The following FBXO8 variants were observed in gnomAD, a reference collection of about 807,000 sequenced individuals.
The protein encoded by FBXO8 is F-box protein 8.
Under a neutral mutation model 33.4 loss-of-function variants are expected in FBXO8, and 15 were observed. That is an observed-to-expected ratio of 0.45 (90% confidence interval 0.30 to 0.69). FBXO8 has a LOEUF of 0.69. Among genes scored for constraint, FBXO8 ranks in the 30% least tolerant of loss-of-function variants. FBXO8 has a pLI of 0.08. For synonymous variants in FBXO8, 132 were observed against 131.5 expected, an observed-to-expected ratio of 1.00 and a Z score of -0.02; for missense variants, 274 against 380.3, an observed-to-expected ratio of 0.72 and a Z score of 2.32.
At chr4:174,280,090 T>A (rs545728235) in intron 1 of FBXO8, among the ~76,000 whole-genome samples, 2 of 152,256 alleles carry the variant, frequency 1.3e-5, no homozygotes, top group South Asian at 4.2e-4. Context: ...TTGAAAATCA[T>A]GTATCTGATA....
At position 174,261,623 on chromosome 4, in the gene FBXO8, C is replaced by T. The variant is rs577624862; in HGVS notation, c.329+1141G>A. On this transcript the variant is annotated intron_variant, in intron 2 of 5. Coordinates refer to ENST00000393674, the MANE Select transcript of FBXO8 (RefSeq NM_012180.3). This position sits in a 1 kb window ranked among gnomAD's most constrained non-coding sequence, Gnocchi z 4.1. The stretch of plus-strand genomic sequence containing the variant: ...AGACTCCTCATTAACAGAATTTCCT[C>T]TCACGTAGTACTTTCACTATGTCAA... Among the ~76,000 whole-genome samples, 1 of 151,998 alleles carries T rather than the reference C, an allele frequency of 6.6e-6. No individual in the cohort carries two copies. Among genetic ancestry groups the T allele is most frequent in the African/African-American group, 2.4e-5 (1 of 41,520 alleles).
intron 1 of FBXO8, among the ~76,000 whole-genome samples, chr4:174,280,633 T>C (rs1046109439): frequency 6.6e-6 from 1 of 152,142 alleles, no homozygotes; most frequent in African/African-American, 2.4e-5. Flanking sequence ...GGCTGACACA[T>C]ATAAGGGAAT....
rs1736303286 is a variant in FBXO8 at position 174,252,251 on chromosome 4, G to A, written c.456+7448C>T. Among the ~76,000 whole-genome samples the A allele has an allele frequency of 6.6e-6, 1 of 152,080 alleles. No homozygotes were observed. The highest frequency in any genetic ancestry group is 2.4e-5 in the African/African-American group (1 of 41,376). ...CCCAAATTGCTAGGATGACAGGTGT[G>A]AGCCACTGACTGTACCCAGTTAGCA... On this transcript the variant is annotated intron_variant, in intron 3 of 5. Coordinates refer to ENST00000393674, the MANE Select transcript of FBXO8 (RefSeq NM_012180.3). The surrounding 1 kb of genome is among the most constrained non-coding windows in gnomAD (Gnocchi z 5.1).
At position 174,262,204 on chromosome 4, in the gene FBXO8, C is replaced by T. The variant is rs1736579624; in HGVS notation, c.329+560G>A. Among the ~76,000 whole-genome samples the T allele has an allele frequency of 2.6e-5, 4 of 151,956 alleles. No homozygotes were observed. The highest frequency in any genetic ancestry group is 6.6e-5 in the Admixed American group (1 of 15,246). ...CTTGCTTTCTAATATTTGCCTACTTCATTGAAATGCTGGTTAGAAAAAAAA... is the reference window on the plus strand; with the variant it reads ...CTTGCTTTCTAATATTTGCCTACTTTATTGAAATGCTGGTTAGAAAAAAAA... On this transcript the variant is annotated intron_variant, in intron 2 of 5. Transcript: ENST00000393674. The surrounding 1 kb of genome is among the most constrained non-coding windows in gnomAD (Gnocchi z 4.6).
chr4:174,237,453 G>C lies in FBXO8; in HGVS notation c.919C>G (p.Leu307Val). The change falls in exon 6 of 6, where the codon CTT becomes GTT. Residue 307 changes from leucine (L) to valine (V), a missense_variant. Physicochemically the swap from Leu to Val is conservative, Grantham distance 32. Around this residue, in one of 2 missense-constraint regions of FBXO8, gnomAD observed 186 missense variants for 293.4 expected, o/e 0.63. Transcript: ENST00000393674. This position sits in a 1 kb window ranked among gnomAD's most constrained non-coding sequence, Gnocchi z 4.4. Reference sequence around the variant, plus strand: ...CCAATAAGGTAGATATTGTCATAAAGATGCCCTACAAAATCTTCACTAATA... The same window carrying C: ...CCAATAAGGTAGATATTGTCATAAACATGCCCTACAAAATCTTCACTAATA... ...QNISEDFVGH[L>V]YDNIYLIGHV... is the part of the protein sequence containing the mutation. 1 of 1,613,708 alleles carries C rather than the reference G, an allele frequency of 6.2e-7. No homozygotes were observed. The highest frequency in any genetic ancestry group is 8.5e-7 in the Non-Finnish European group (1 of 1,179,708).
Position 174,278,100 on chromosome 4 carries a change from AC to A in FBXO8, c.-9+5309del, listed in dbSNP as rs1736995920. On this transcript the variant is annotated intron_variant, in intron 1 of 5. Coordinates refer to ENST00000393674, the MANE Select transcript of FBXO8 (RefSeq NM_012180.3). This position sits in a 1 kb window ranked among gnomAD's most constrained non-coding sequence, Gnocchi z 4.1. ...GAGAAATTTTTTAAAAAAGAAAAAAACCCTGATAACCAATCACATCCCTAAA... is the reference window on the plus strand; with the variant it reads ...GAGAAATTTTTTAAAAAAGAAAAAAACCTGATAACCAATCACATCCCTAAA... Among the ~76,000 whole-genome samples the A allele has an allele frequency of 6.6e-6, 1 of 152,086 alleles. No homozygotes were observed. Among genetic ancestry groups the A allele is most frequent in the African/African-American group, 2.4e-5 (1 of 41,446 alleles).
At chr4:174,249,607 A>C (rs1376630697) in intron 3 of FBXO8, among the ~76,000 whole-genome samples, 2 of 151,966 alleles carry the variant, frequency 1.3e-5, no homozygotes, top group Non-Finnish European at 2.9e-5. Context: ...TTTTTAAAAA[A>C]AGTCTACTAG....
At position 174,238,977 on chromosome 4, in the gene FBXO8, A is replaced by AAT. The variant is rs1320170704; in HGVS notation, c.772+15_772+16dup. ...GATGGGCAGGGGGTGATGTACTATT[A>AAT]ATATATATATTCTTACCAGGACTAA... On this transcript the variant is annotated intron_variant, in intron 5 of 5. Coordinates refer to ENST00000393674, the MANE Select transcript of FBXO8 (RefSeq NM_012180.3). The AAT allele has an allele frequency of 6.3e-6, 9 of 1,436,464 alleles. No homozygotes were observed. In the South Asian group the frequency reaches 1.1e-4, roughly 18 times the overall value. 89.0% of individuals were successfully genotyped at this position (1,436,464 alleles called of 1,614,324 possible). A position where few individuals can be genotyped will look rare whatever the true frequency, so the allele number is the denominator to read the frequency against.
rs928971607 is a variant in FBXO8, at chr4:174,252,652, T to C, written c.456+7047A>G. On this transcript the variant is annotated intron_variant, in intron 3 of 5. Coordinates refer to ENST00000393674, the MANE Select transcript of FBXO8 (RefSeq NM_012180.3). The surrounding 1 kb of genome is among the most constrained non-coding windows in gnomAD (Gnocchi z 5.1). Reference sequence around the variant, plus strand: ...ACATGTACTTGTGCATGTGAGTGCATGCACACACACACACACACACACACG... The same window carrying C: ...ACATGTACTTGTGCATGTGAGTGCACGCACACACACACACACACACACACG... Among the ~76,000 whole-genome samples the C allele has an allele frequency of 5.3e-5, 7 of 132,334 alleles. No individual in the cohort carries two copies. The highest frequency in any genetic ancestry group is 2.3e-4 in the South Asian group (1 of 4,328). 86.8% of individuals were successfully genotyped at this position (132,334 alleles called of 152,430 possible).
intron 1 of FBXO8, among the ~76,000 whole-genome samples, chr4:174,277,000 C>T (rs1239148956): frequency 6.6e-6 from 1 of 152,092 alleles, no homozygotes; most frequent in African/African-American, 2.4e-5. Context: ...GTTTCTGAAA[C>T]AGCTATATTG....
In FBXO8 at chr4:174,281,298, T is replaced by C. The variant is rs750439914; in HGVS notation, c.-9+2112A>G. ...CTTCATTCAAATAGCTTATGAATCC[T>C]ATGCAATCTATTCTTGAAAAATACA... On this transcript the variant is annotated intron_variant, in intron 1 of 5. Coordinates refer to ENST00000393674, the MANE Select transcript of FBXO8 (RefSeq NM_012180.3). This position sits in a 1 kb window ranked among gnomAD's most constrained non-coding sequence, Gnocchi z 4.6. Among the ~76,000 whole-genome samples, 1 of 152,196 alleles carries C rather than the reference T, an allele frequency of 6.6e-6. No homozygotes were observed. The highest frequency in any genetic ancestry group is 2.4e-5 in the African/African-American group (1 of 41,440).
Position 174,272,524 on chromosome 4 carries a change from T to C in FBXO8, c.-8-9424A>G, listed in dbSNP as rs1357094960. ...ACTGAGGACCAACTGTATAATCCAT[T>C]ACATAAAAAAAGAATCTGTGAGTCT... On this transcript the variant is annotated intron_variant, in intron 1 of 5. Transcript: ENST00000393674. This position sits in a 1 kb window ranked among gnomAD's most constrained non-coding sequence, Gnocchi z 4.7. Among the ~76,000 whole-genome samples, 1 of 152,162 alleles carries C rather than the reference T, an allele frequency of 6.6e-6. No individual in the cohort carries two copies. The highest frequency in any genetic ancestry group is 1.5e-5 in the Non-Finnish European group (1 of 68,022).
Position 174,252,653 on chromosome 4 carries a change from GCACA to G in FBXO8, c.456+7042_456+7045del, listed in dbSNP as rs547330456. Among the ~76,000 whole-genome samples the G allele has an allele frequency of 2.4e-4, 31 of 127,974 alleles. No individual in the cohort carries two copies. Among genetic ancestry groups the G allele is most frequent in the Admixed American group, 9.8e-4 (13 of 13,256 alleles). 84.0% of individuals were successfully genotyped at this position (127,974 alleles called of 152,430 possible). A position where few individuals can be genotyped will look rare whatever the true frequency, so the allele number is the denominator to read the frequency against. ...CATGTACTTGTGCATGTGAGTGCAT[GCACA>G]CACACACACACACACACACGCACAG... On this transcript the variant is annotated intron_variant, in intron 3 of 5. Coordinates refer to ENST00000393674, the MANE Select transcript of FBXO8 (RefSeq NM_012180.3). The surrounding 1 kb of genome is among the most constrained non-coding windows in gnomAD (Gnocchi z 5.1).
In FBXO8 at chr4:174,274,582, A is replaced by T. The variant is rs1682326294; in HGVS notation, c.-9+8828T>A. ...GTTCCAACACGCACTAGTTTCAGTT[A>T]ACATGGTAAAATGCAAAATGATGAC... On this transcript the variant is annotated intron_variant, in intron 1 of 5. Transcript: ENST00000393674. This position sits in a 1 kb window ranked among gnomAD's most constrained non-coding sequence, Gnocchi z 4.0. Among the ~76,000 whole-genome samples the T allele has an allele frequency of 6.6e-6, 1 of 152,242 alleles. No individual in the cohort carries two copies. Among genetic ancestry groups the T allele is most frequent in the Non-Finnish European group, 1.5e-5 (1 of 68,052 alleles).
At chr4:174,244,964 T>C (rs913576254) in intron 3 of FBXO8, among the ~76,000 whole-genome samples, 11 of 151,786 alleles carry the variant, frequency 7.2e-5, no homozygotes, top group Non-Finnish European at 1.5e-4. Flanking sequence ...GCTTGTAAAA[T>C]AGATATATGT....
rs1044071598 is a variant in FBXO8, at chr4:174,251,433, C to T, written c.456+8266G>A. Reference sequence around the variant, plus strand: ...AAACCTCCTCTGGGAACTGATTCTACACCACATGTTGGAGTGACTCTGGGA... The same window carrying T: ...AAACCTCCTCTGGGAACTGATTCTATACCACATGTTGGAGTGACTCTGGGA... On this transcript the variant is annotated intron_variant, in intron 3 of 5. Coordinates refer to ENST00000393674, the MANE Select transcript of FBXO8 (RefSeq NM_012180.3). The surrounding 1 kb of genome is among the most constrained non-coding windows in gnomAD (Gnocchi z 4.2). Among the ~76,000 whole-genome samples the T allele has an allele frequency of 1.3e-5, 2 of 152,130 alleles. No homozygotes were observed. The highest frequency in any genetic ancestry group is 2.1e-4 in the South Asian group (1 of 4,828).
At position 174,254,878 on chromosome 4, in the gene FBXO8, T is replaced by C. The variant is rs1352006737; in HGVS notation, c.456+4821A>G. ...AGGGTATTTCAACCATTCTAAAATA[T>C]TTATTTATACACAGTAGGATTACAG... On this transcript the variant is annotated intron_variant, in intron 3 of 5. Coordinates refer to ENST00000393674, the MANE Select transcript of FBXO8 (RefSeq NM_012180.3). The surrounding 1 kb of genome is among the most constrained non-coding windows in gnomAD (Gnocchi z 4.2). Among the ~76,000 whole-genome samples the C allele has an allele frequency of 2.6e-5, 4 of 152,126 alleles. No individual in the cohort carries two copies.
chr4:174,238,872 A>G lies in FBXO8; in HGVS notation c.772+122T>C, dbSNP rs1218427193. On this transcript the variant is annotated intron_variant, in intron 5 of 5. Coordinates refer to ENST00000393674, the MANE Select transcript of FBXO8 (RefSeq NM_012180.3). ...GTAGTCAGTCACTGCTACAAACAGTAAAACAAGTATTTGTAATTACTGAGA... is the reference window on the plus strand; with the variant it reads ...GTAGTCAGTCACTGCTACAAACAGTGAAACAAGTATTTGTAATTACTGAGA... 4.7e-6 allele frequency: 3 copies of G among 638,734 alleles called. No individual in the cohort carries two copies. The African/African-American group carries it at 5.7e-5, about 12-fold the overall frequency. 39.6% of individuals were successfully genotyped at this position (638,734 alleles called of 1,614,324 possible).
chr4:174,239,658 T>G (rs1007126456), intron 4 of FBXO8, among the ~76,000 whole-genome samples: 1 of 151,910 alleles, frequency 6.6e-6, no homozygotes, highest in Non-Finnish European at 1.5e-5. Context: ...TTTTATAATT[T>G]GTTTTTGCTT....
Sources: gnomAD v4.1 joint callset for allele counts (sites outside exome capture counted in the v4.1 genomes callset) on GRCh38, gnomAD v4.1.1 for gene constraint, gnomAD v4.1.1 regional missense constraint, Gnocchi (gnomAD v3.1) non-coding constraint, MANE v1.5 for transcripts, NCBI Gene and HGNC (gene_info 2026-07-23, HGNC 2026-07-21) for gene names.